Variants in COPG2 observed in about 807,000 individuals in gnomAD.
COPG2 encodes the protein coat protein complex I subunit gamma 2.
Under a neutral mutation model 46.3 loss-of-function variants are expected in COPG2, and 37 were observed. That is an observed-to-expected ratio of 0.80 (90% CI 0.61 to 1.05). The LOEUF (loss-of-function observed/expected upper bound fraction) is 1.05. Among genes scored for constraint, COPG2 ranks in the 50% least tolerant of loss-of-function variants. The probability of loss-of-function intolerance (pLI) is 0.00; values close to 1 mark genes in which losing one functional copy is unlikely to be tolerated. For missense variants in COPG2, 427 were observed against 387.8 expected (o/e 1.10, Z -0.85); for synonymous variants, 159 against 129.7 (o/e 1.23, Z -1.53).
intron 20 of COPG2, among the ~76,000 whole-genome samples, chr7:130,534,912 G>A (rs1799863714): frequency 6.6e-6 from 1 of 152,114 alleles, no homozygotes; most frequent in African/African-American, 2.4e-5. Context: ...ATAGAGTTTT[G>A]TAGGAACTCA....
intron 20 of COPG2, among the ~76,000 whole-genome samples, chr7:130,542,083 C>G (rs1793338663): frequency 8.0e-6 from 1 of 125,722 alleles, no homozygotes; most frequent in Admixed American, 7.2e-5. Flanking sequence ...GTTATGGAGG[C>G]CAGCAGCTTA....
At chr7:130,562,518 C>T (rs1253639354) in intron 11 of COPG2, among the ~76,000 whole-genome samples, 1 of 152,090 alleles carries the variant, frequency 6.6e-6, no homozygotes, top group Non-Finnish European at 1.5e-5. Context: ...CTTTCATTTA[C>T]ATTTTCTATG....
At chr7:130,576,575 G>A (rs1248833819) in intron 9 of COPG2, among the ~76,000 whole-genome samples, 1 of 152,176 alleles carries the variant, frequency 6.6e-6, no homozygotes, top group African/African-American at 2.4e-5. Context: ...AGTGCTAAGA[G>A]GAAAGTTCAT....
chr7:130,556,859 G>C (rs1171345462), intron 12 of COPG2, among the ~76,000 whole-genome samples: 2 of 151,854 alleles, frequency 1.3e-5, no homozygotes, highest in African/African-American at 4.8e-5. Flanking sequence ...AGGAACAGAT[G>C]GATATGTCCA....
chr7:130,529,643 A>G (rs1053422073), intron 20 of COPG2, among the ~76,000 whole-genome samples: 6 of 152,156 alleles, frequency 3.9e-5, no homozygotes, highest in Admixed American at 1.3e-4. Flanking sequence ...CCTTTAGGAG[A>G]AAGTGGGTTA....
intron 9 of COPG2, chr7:130,607,447 A>G: frequency 4.5e-6 from 2 of 444,048 alleles, no homozygotes; most frequent in South Asian, 1.7e-5. Context: ...TCTATTAAAC[A>G]TTGTAATGAT....
chr7:130,650,374 T>C (rs561990835), intron 5 of COPG2, among the ~76,000 whole-genome samples: 148 of 152,290 alleles, frequency 9.7e-4, no homozygotes, highest in African/African-American at 3.2e-3. Flanking sequence ...AAATGAACTA[T>C]TAATAGAAAT....
intron 5 of COPG2, among the ~76,000 whole-genome samples, chr7:130,649,992 A>C (rs1055971496): frequency 4.6e-5 from 7 of 152,204 alleles, no homozygotes; most frequent in Admixed American, 3.3e-4. Flanking sequence ...TAAAATCAAG[A>C]TATCGGTAGG....
chr7:130,625,953 C>T (rs537834153), intron 5 of COPG2, among the ~76,000 whole-genome samples: 1 of 152,096 alleles, frequency 6.6e-6, no homozygotes, highest in East Asian at 1.9e-4. Flanking sequence ...CTTTAATTCA[C>T]CATATAGATT....
Position 130,564,306 on chromosome 7 carries a change from G to A in COPG2, c.825C>T (p.Ile275=), listed in dbSNP as rs1793767218. The A allele has an allele frequency of 2.5e-6, 1 of 398,462 alleles. No homozygotes were observed. Among genetic ancestry groups the A allele is most frequent in the African/African-American group, 2.1e-5 (1 of 48,626 alleles). The allele number at this position is 398,462 out of a possible 1,614,324, so 24.7% of individuals were successfully genotyped here. ...CTCTTGCAGTGCAGTTAGGAAGATGGATGATAGCTGAAGCAGCTTCATAAA... is the reference window on the plus strand; with the variant it reads ...CTCTTGCAGTGCAGTTAGGAAGATGAATGATAGCTGAAGCAGCTTCATAAA... ...MVIYEAASAI[I]HLPNCTAREL... The change falls in exon 10 of 24, where the codon ATC becomes ATT. Residue 275 remains isoleucine (I), a synonymous_variant. Transcript: ENST00000425248.
At chr7:130,597,491 C>A (rs1794552022) in intron 9 of COPG2, among the ~76,000 whole-genome samples, 1 of 152,162 alleles carries the variant, frequency 6.6e-6, no homozygotes, top group Non-Finnish European at 1.5e-5. Context: ...TATTTGGGCA[C>A]AGGCCCAGGC....
intron 5 of COPG2, among the ~76,000 whole-genome samples, chr7:130,643,123 C>T (rs1472762262): frequency 5.9e-5 from 9 of 151,938 alleles, no homozygotes; most frequent in African/African-American, 9.7e-5. Context: ...GGTGAAACCC[C>T]GTCTCTACTA....
At chr7:130,590,120 C>T (rs917293272) in intron 9 of COPG2, among the ~76,000 whole-genome samples, 5 of 152,016 alleles carry the variant, frequency 3.3e-5, no homozygotes, top group Admixed American at 2.6e-4. Flanking sequence ...AGCCTTTACC[C>T]CATCTATAAC....
chr7:130,585,977 C>G (rs1015723701), intron 9 of COPG2, among the ~76,000 whole-genome samples: 1 of 151,910 alleles, frequency 6.6e-6, no homozygotes, highest in Non-Finnish European at 1.5e-5. Flanking sequence ...AGTATCTACT[C>G]GAGGAAAAGA....
At chr7:130,642,260 G>A (rs529821117) in intron 5 of COPG2, among the ~76,000 whole-genome samples, 23 of 147,814 alleles carry the variant, frequency 1.6e-4, no homozygotes, top group African/African-American at 4.7e-4. Flanking sequence ...TTTTTTCACC[G>A]AGCTGTAATT....
chr7:130,577,581 G>A (rs1166478216), intron 9 of COPG2, among the ~76,000 whole-genome samples: 2 of 151,494 alleles, frequency 1.3e-5, no homozygotes, highest in Non-Finnish European at 2.9e-5. Flanking sequence ...CTAACAAGGT[G>A]AAACCCCGTC....
chr7:130,647,127 G>C (rs1232725944), intron 5 of COPG2, among the ~76,000 whole-genome samples: 1 of 151,638 alleles, frequency 6.6e-6, no homozygotes, highest in African/African-American at 2.4e-5. Context: ...TGCAATCTCT[G>C]CCTCCCAGGT....
intron 1 of COPG2, 126 bp from the exon 2 acceptor site, chr7:130,667,660 T>A: frequency 1.6e-6 from 1 of 641,756 alleles, no homozygotes; most frequent in Non-Finnish European, 2.7e-6. Flanking sequence ...TAATCATGGC[T>A]AATACGCATA....
chr7:130,638,248 G>A (rs1795384578), intron 5 of COPG2, among the ~76,000 whole-genome samples: 1 of 152,076 alleles, frequency 6.6e-6, no homozygotes. Flanking sequence ...GAGAGCTTGA[G>A]CACTGTTCTG....
Sources: gnomAD v4.1 joint callset for allele counts (sites outside exome capture counted in the v4.1 genomes callset) on GRCh38, gnomAD v4.1.1 for gene constraint, MANE v1.5 for transcripts, NCBI Gene and HGNC (gene_info 2026-07-23, HGNC 2026-07-21) for gene names.